Variants in SKA3 observed in about 807,000 individuals in gnomAD.
The protein encoded by SKA3 is spindle and kinetochore associated complex subunit 3, also known as spindle and kinetochore-associated protein 3.
A neutral mutation model predicts 44.2 loss-of-function variants in SKA3; 39 were observed. The observed-to-expected ratio is 0.88, with a 90% CI of 0.68 to 1.15. The LOEUF (loss-of-function observed/expected upper bound fraction) is 1.15. Among genes scored for constraint, SKA3 ranks in the 50% most tolerant of loss-of-function variants. SKA3 has a pLI of 0.00. For synonymous variants in SKA3, 192 were observed against 172.0 expected, an observed-to-expected ratio of 1.12 and a Z score of -0.91; for missense variants, 511 against 485.8, an observed-to-expected ratio of 1.05 and a Z score of -0.49.
At position 21,176,436 on chromosome 13, in the gene SKA3, C is replaced by T; in HGVS notation, c.42G>A (p.Leu14=). 1.3e-6 allele frequency: 2 copies of T among 1,582,516 alleles called. No individual in the cohort carries two copies. Among genetic ancestry groups the T allele is most frequent in the Admixed American group, 3.6e-5 (2 of 55,474 alleles). Residue 14 remains leucine, a synonymous_variant, in exon 1 of 9, where the codon CTG becomes CTA. Transcript: ENST00000314759. ...IRSFCGKLRS[L]ASTLDCETAR... is the part of the protein sequence containing the mutation. ...CCGTCTCGCAGTCCAGCGTGCTGGC[C>T]AGAGACCGCAGCTTCCCGCAGAAGC... is the stretch of plus-strand genomic sequence containing the variant.
intron 4 of SKA3, among the ~76,000 whole-genome samples, chr13:21,165,654 G>A (rs912584760): frequency 6.6e-6 from 1 of 152,092 alleles, no homozygotes; most frequent in African/African-American, 2.4e-5. Context: ...ATGATGTTAG[G>A]CTGGGCGTGG....
chr13:21,175,130 T>C lies in SKA3; in HGVS notation c.103+1245A>G, dbSNP rs780919366. On this transcript the variant is annotated intron_variant, in intron 1 of 8. Coordinates refer to ENST00000314759, the MANE Select transcript of SKA3 (RefSeq NM_145061.6). ...AGCTGGGATTACAGGCGCCCACTAC[T>C]ATGCCCAGCTAATTGTTTTGTATTT... is the stretch of plus-strand genomic sequence containing the variant. Among the ~76,000 whole-genome samples the C allele has an allele frequency of 8.4e-3, 1,244 of 147,880 alleles. 21 individuals carry two copies. Among genetic ancestry groups the C allele is most frequent in the African/African-American group, 0.029 (1,146 of 39,164 alleles).
intron 1 of SKA3, among the ~76,000 whole-genome samples, chr13:21,173,938 T>C (rs917330889): frequency 1.3e-5 from 2 of 152,202 alleles, no homozygotes; most frequent in Non-Finnish European, 2.9e-5. Context: ...TCCAACATGA[T>C]TTTTACAGTT....
At chr13:21,161,940 T>A (rs1464713480) in intron 4 of SKA3, 65 bp from the exon 5 acceptor site, 172 of 1,022,612 alleles carry the variant, frequency 1.7e-4, no homozygotes, top group Non-Finnish European at 2.1e-4. Flanking sequence ...GGGAAAAAAA[T>A]TTAACCTTAC....
intron 6 of SKA3, among the ~76,000 whole-genome samples, 172 bp downstream of exon 6, chr13:21,159,730 T>A (rs1247603987): frequency 6.6e-6 from 1 of 152,190 alleles, no homozygotes; most frequent in African/African-American, 2.4e-5. Context: ...AAAAATATTT[T>A]TTAGAGCAAT....
chr13:21,158,706 C>A (rs1870272106), intron 6 of SKA3, among the ~76,000 whole-genome samples: 1 of 152,184 alleles, frequency 6.6e-6, no homozygotes, highest in Non-Finnish European at 1.5e-5. Flanking sequence ...TGGATACTCC[C>A]ACCCCATCTC....
chr13:21,168,318 A>G lies in SKA3; in HGVS notation c.413T>C (p.Leu138Pro). 6.2e-7 allele frequency: 1 copy of G among 1,614,090 alleles called. No homozygotes were observed. The highest frequency in any genetic ancestry group is 1.1e-5 in the South Asian group (1 of 91,060). The change falls in exon 4 of 9, where the codon CTG (leucine) becomes CCG (proline). Residue 138 changes from leucine (L) to proline (P), a missense_variant. By Grantham distance (98) the Leu-to-Pro change is moderately conservative. Coordinates refer to ENST00000314759, the MANE Select transcript of SKA3 (RefSeq NM_145061.6). ...NFQKTDVKDD[L>P]SDPPVASSCI... ...ACTGCTTGCAACAGGAGGATCAGAC[A>G]GATCATCTTTCACATCAGTCTTCTG...
At position 21,174,529 on chromosome 13, in the gene SKA3, AATGAGAACACT is replaced by A. The variant is rs1871315167; in HGVS notation, c.103+1835_103+1845del. ...TCTCACTCATAGGTGGGAATTGAAC[AATGAGAACACT>A]TGGACACAGGAAGGGGAACATCACA... On this transcript the variant is annotated intron_variant, in intron 1 of 8. Transcript: ENST00000314759. Among the ~76,000 whole-genome samples, 3 of 152,144 alleles carry A rather than the reference AATGAGAACACT, an allele frequency of 2.0e-5. No individual in the cohort carries two copies. In the South Asian group the frequency reaches 6.2e-4, roughly 32 times the overall value.
intron 5 of SKA3, among the ~76,000 whole-genome samples, chr13:21,160,592 G>A (rs1870383807): frequency 6.6e-6 from 1 of 152,058 alleles, no homozygotes; most frequent in East Asian, 1.9e-4. Context: ...ATCAAGTACT[G>A]GAAAAGACGG....
rs773255456 is a variant in SKA3, at chr13:21,168,426, G to C, written c.332-27C>G. Reference sequence around the variant, plus strand: ...TAGGAGGAAAAATCAGAATATTCTGGTCAAACTCAAAATGGAAAATTTCAC... The same window carrying C: ...TAGGAGGAAAAATCAGAATATTCTGCTCAAACTCAAAATGGAAAATTTCAC... On this transcript the variant is annotated intron_variant, in intron 3 of 8. Coordinates refer to ENST00000314759, the MANE Select transcript of SKA3 (RefSeq NM_145061.6). 3.4e-6 allele frequency: 4 copies of C among 1,170,112 alleles called. No homozygotes were observed. In the South Asian group the frequency reaches 8.3e-5, roughly 24 times the overall value. 72.5% of individuals were successfully genotyped at this position (1,170,112 alleles called of 1,614,324 possible).
chr13:21,157,540 A>G (rs1375759360), intron 7 of SKA3, among the ~76,000 whole-genome samples: 1 of 152,222 alleles, frequency 6.6e-6, no homozygotes, highest in Admixed American at 6.5e-5. Context: ...TCCATCATTG[A>G]CCAAAATGTT....
At chr13:21,167,781 AAAAAAAAAACC>A (rs1870796117) in intron 4 of SKA3, among the ~76,000 whole-genome samples, 196 bp downstream of exon 4, 2 of 150,168 alleles carry the variant, frequency 1.3e-5, no homozygotes, top group South Asian at 4.2e-4. Flanking sequence ...AAAAAAAACA[AAAAAAAAAACC>A]AAAAAAAAAC....
chr13:21,172,245 A>C, intron 3 of SKA3, 94 bp downstream of exon 3: 1 of 678,646 alleles, frequency 1.5e-6, no homozygotes, highest in East Asian at 4.2e-5. Context: ...CAGAGCTAGA[A>C]CTAAAAACCA....
At chr13:21,160,718 T>C (rs1456106659) in intron 5 of SKA3, among the ~76,000 whole-genome samples, 2 of 152,122 alleles carry the variant, frequency 1.3e-5, no homozygotes, top group African/African-American at 4.8e-5. Flanking sequence ...ACCTGGCAAT[T>C]CTACTCCTAG....
At chr13:21,174,914 T>C (rs576152325) in intron 1 of SKA3, among the ~76,000 whole-genome samples, 3 of 122,934 alleles carry the variant, frequency 2.4e-5, no homozygotes, top group Non-Finnish European at 5.9e-5. Context: ...TGATGACTAA[T>C]GAAATTTGCA....
chr13:21,155,133 A>C lies in SKA3; in HGVS notation c.*17T>G. On this transcript the variant is annotated 3_prime_UTR_variant, in exon 9 of 9. Coordinates refer to ENST00000314759, the MANE Select transcript of SKA3 (RefSeq NM_145061.6). ...TCATTTTGTTCAGTTTCTGTGTTGG[A>C]TAGATCCACTGGAATTTCTGCAACA... 2.5e-6 allele frequency: 4 copies of C among 1,612,664 alleles called. No individual in the cohort carries two copies. Among genetic ancestry groups the C allele is most frequent in the Non-Finnish European group, 3.4e-6 (4 of 1,179,234 alleles).
chr13:21,157,963 T>C lies in SKA3; in HGVS notation c.1078A>G (p.Thr360Ala). The C allele has an allele frequency of 6.2e-7, 1 of 1,611,908 alleles. No homozygotes were observed. The highest frequency in any genetic ancestry group is 8.5e-7 in the Non-Finnish European group (1 of 1,178,972). The change falls in exon 7 of 9, where the codon ACA becomes GCA. Residue 360 changes from threonine to alanine, a missense_variant. Transcript: ENST00000314759. ...SSYENLLRTP[T>A]PPEVTKIPED... ...GGAATTTTAGTTACTTCCGGAGGTG[T>C]AGGTGTTCTGAGCAGATTCTCATAA...
At chr13:21,155,660 C>G in intron 8 of SKA3, 33 bp downstream of exon 8, 1 of 1,278,964 alleles carries the variant, frequency 7.8e-7, no homozygotes, top group Non-Finnish European at 1.1e-6. Context: ...TCAAATAACA[C>G]ATGAACTTTC....
chr13:21,159,821 CAG>C (rs1294882110), intron 6 of SKA3, 79 bp downstream of exon 6: 4 of 888,090 alleles, frequency 4.5e-6, no homozygotes, highest in Non-Finnish European at 6.3e-6. Flanking sequence ...GTCTTCTAAA[CAG>C]ACTCTTTGAG....
Sources: allele counts gnomAD v4.1 joint callset (sites outside exome capture counted in the v4.1 genomes callset), GRCh38; gene constraint gnomAD v4.1.1; transcripts MANE v1.5; gene names NCBI Gene and HGNC (gene_info 2026-07-23, HGNC 2026-07-21).